Variants in PDE10A observed in about 807,000 individuals in gnomAD.
The protein encoded by PDE10A is cAMP and cAMP-inhibited cGMP 3',5'-cyclic phosphodiesterase 10A.
Under a neutral mutation model 97.7 loss-of-function variants are expected in PDE10A, and 39 were observed. That is an observed-to-expected ratio of 0.40 (90% CI 0.31 to 0.52). The LOEUF is 0.52. Ranked by LOEUF, PDE10A falls within the 20% of genes least tolerant of loss-of-function variation. The pLI is 0.56. For missense variants in PDE10A, 731 were observed against 1,047.8 expected (o/e 0.70, Z 4.17); for synonymous variants, 371 against 376.8 (o/e 0.98, Z 0.18).
chr6:165,510,888 T>C (rs1364816528), intron 2 of PDE10A, among the ~76,000 whole-genome samples: 1 of 152,046 alleles, frequency 6.6e-6, no homozygotes, highest in African/African-American at 2.4e-5. Flanking sequence ...TCCATTTTCA[T>C]TTATGATTTT....
intron 1 of PDE10A, among the ~76,000 whole-genome samples, chr6:165,970,081 C>G (rs1784624094): frequency 6.6e-6 from 1 of 152,168 alleles, no homozygotes; most frequent in Non-Finnish European, 1.5e-5. Flanking sequence ...TTTCCCCCAG[C>G]AGGCATCACT....
intron 2 of PDE10A, among the ~76,000 whole-genome samples, chr6:165,530,797 G>A (rs2128314455): frequency 6.6e-6 from 1 of 152,280 alleles, no homozygotes; most frequent in East Asian, 1.9e-4. Context: ...CATCAGATAA[G>A]TGTGCTGATG....
intron 1 of PDE10A, among the ~76,000 whole-genome samples, chr6:165,958,792 G>A (rs1007915714): frequency 5.3e-5 from 8 of 151,678 alleles, no homozygotes; most frequent in East Asian, 1.9e-4. Context: ...CATGCCTCCC[G>A]ACTCATGTCT....
At chr6:165,774,349 A>C (rs1778100869) in intron 1 of PDE10A, among the ~76,000 whole-genome samples, 1 of 151,818 alleles carries the variant, frequency 6.6e-6, no homozygotes, top group Non-Finnish European at 1.5e-5. Context: ...GGAGAAAACA[A>C]ATTGCAGGGA....
At chr6:165,726,826 G>T (rs1792309809) in intron 1 of PDE10A, among the ~76,000 whole-genome samples, 1 of 152,192 alleles carries the variant, frequency 6.6e-6, no homozygotes, top group Non-Finnish European at 1.5e-5. Flanking sequence ...CCCAGTTGCC[G>T]ACCACAGGAA....
intron 1 of PDE10A, among the ~76,000 whole-genome samples, chr6:165,702,576 C>A (rs1791605846): frequency 6.6e-6 from 1 of 152,196 alleles, no homozygotes; most frequent in Admixed American, 6.5e-5. Flanking sequence ...AAGAAGTGTA[C>A]AATTAAGATC....
At chr6:165,540,537 G>T (rs76935706) in intron 2 of PDE10A, among the ~76,000 whole-genome samples, 12,351 of 152,134 alleles carry the variant, frequency 0.081, 1,691 homozygotes, top group African/African-American at 0.28. Flanking sequence ...TCATGGAAAT[G>T]AAAACACTCC....
At chr6:165,909,642 C>A (rs753847270) in intron 1 of PDE10A, among the ~76,000 whole-genome samples, 22 of 152,274 alleles carry the variant, frequency 1.4e-4, no homozygotes, top group Middle Eastern at 6.8e-3. Flanking sequence ...TGCTCCTCCC[C>A]GGGTGGTGCC....
intron 2 of PDE10A, among the ~76,000 whole-genome samples, chr6:165,492,524 G>C (rs1273813259): frequency 6.6e-6 from 1 of 152,046 alleles, no homozygotes; most frequent in Non-Finnish European, 1.5e-5. Context: ...TTCATAGCAG[G>C]GATGGTTTAA....
At chr6:165,733,477 T>C (rs1433558694) in intron 1 of PDE10A, among the ~76,000 whole-genome samples, 2 of 152,206 alleles carry the variant, frequency 1.3e-5, no homozygotes, top group African/African-American at 2.4e-5. Flanking sequence ...ACTAACAAAG[T>C]AGCTACCACA....
At chr6:165,642,212 AC>A (rs1789169626) in intron 1 of PDE10A, among the ~76,000 whole-genome samples, 1 of 152,136 alleles carries the variant, frequency 6.6e-6, no homozygotes, top group Admixed American at 6.5e-5. Context: ...AGGGGCTAAC[AC>A]AGTCTTTTCC....
At chr6:165,498,112 T>C (rs6923372) in intron 2 of PDE10A, among the ~76,000 whole-genome samples, 6,641 of 151,962 alleles carry the variant, frequency 0.044, 500 homozygotes, top group African/African-American at 0.15. Context: ...GCTTTCTTAC[T>C]ATATTTATAA....
chr6:165,612,078 A>T (rs764987381), intron 1 of PDE10A, among the ~76,000 whole-genome samples: 9 of 152,240 alleles, frequency 5.9e-5, no homozygotes, highest in African/African-American at 1.9e-4. Context: ...GTGAACAATC[A>T]TTATTAACGA....
chr6:165,632,243 A>G (rs557721185), intron 1 of PDE10A, among the ~76,000 whole-genome samples: 1 of 149,932 alleles, frequency 6.7e-6, no homozygotes, highest in Non-Finnish European at 1.5e-5. Context: ...CTGAGATTAC[A>G]GGAAACGGAA....
At chr6:165,910,454 C>T (rs1188638983) in intron 1 of PDE10A, among the ~76,000 whole-genome samples, 1 of 152,176 alleles carries the variant, frequency 6.6e-6, no homozygotes, top group Admixed American at 6.5e-5. Context: ...GGAAGATTCA[C>T]AAGGCAACTC....
chr6:165,691,106 T>TCTCCCCCCC (rs143783728), intron 1 of PDE10A, among the ~76,000 whole-genome samples: 1 of 39,094 alleles, frequency 2.6e-5, no homozygotes, highest in Admixed American at 3.3e-4. Flanking sequence ...TCTTTCTCTC[T>TCTCCCCCCC]CCCCCCCCCC....
rs1032292265 is a variant in PDE10A at position 165,819,261 on chromosome 6, C to A, written c.-615+168268G>T. Among the ~76,000 whole-genome samples the A allele has an allele frequency of 6.6e-6, 1 of 152,216 alleles. No individual in the cohort carries two copies. The highest frequency in any genetic ancestry group is 2.4e-5 in the African/African-American group (1 of 41,450). The stretch of plus-strand genomic sequence containing the variant: ...CGTTGGGATGATTTTTGACTCCTGC[C>A]CTCTCCGTCCACACGTCAGCAGTTG... On this transcript the variant is annotated intron_variant, in intron 1 of 19. Coordinates refer to the PDE10A transcript ENST00000366882. This position sits in a 1 kb window ranked among gnomAD's most constrained non-coding sequence, Gnocchi z 4.2.
At chr6:165,770,014 G>C (rs1270094211) in intron 1 of PDE10A, among the ~76,000 whole-genome samples, 7 of 152,066 alleles carry the variant, frequency 4.6e-5, no homozygotes, top group African/African-American at 1.7e-4. Context: ...AACGTCTCAA[G>C]ACAGATGTAC....
intron 1 of PDE10A, among the ~76,000 whole-genome samples, chr6:165,951,750 T>C (rs1449824228): frequency 6.6e-6 from 1 of 152,158 alleles, no homozygotes; most frequent in Non-Finnish European, 1.5e-5. Flanking sequence ...CCCACTGCCC[T>C]CAATTCTCCA....
Sources: allele counts gnomAD v4.1 joint callset (sites outside exome capture counted in the v4.1 genomes callset), GRCh38; gene constraint gnomAD v4.1.1; non-coding constraint Gnocchi (gnomAD v3.1); transcripts MANE v1.5; gene names NCBI Gene and HGNC (gene_info 2026-07-23, HGNC 2026-07-21).